VWA8: variants seen among roughly 807,000 people sequenced by gnomAD.
VWA8 encodes the protein von Willebrand factor A domain containing 8, also known as von Willebrand factor A domain-containing protein 8.
Under a neutral mutation model 241.5 loss-of-function variants are expected in VWA8, and 221 were observed. The ratio of observed to expected loss-of-function variants is 0.91; its 90% CI spans 0.82 to 1.02. VWA8 has a LOEUF of 1.02. Among genes scored for constraint, VWA8 ranks in the 50% least tolerant of loss-of-function variants. VWA8 has a pLI of 0.00. For missense variants in VWA8, 2,322 were observed against 2,328.7 expected (o/e 1.00, Z 0.06); for synonymous variants, 852 against 827.1 (o/e 1.03, Z -0.52).
chr13:41,695,041 C>A (rs1484174703), intron 29 of VWA8, among the ~76,000 whole-genome samples: 1 of 152,094 alleles, frequency 6.6e-6, no homozygotes, highest in Non-Finnish European at 1.5e-5. Flanking sequence ...ATGATAGATT[C>A]TGTCTGGGTT....
chr13:41,807,262 A>G (rs1414101139), intron 17 of VWA8, among the ~76,000 whole-genome samples: 3 of 152,214 alleles, frequency 2.0e-5, no homozygotes, highest in African/African-American at 7.2e-5. Context: ...CCAAACATTT[A>G]TAGAAGAACT....
chr13:41,904,269 A>G (rs1875595496), intron 4 of VWA8, among the ~76,000 whole-genome samples: 1 of 152,204 alleles, frequency 6.6e-6, no homozygotes, highest in Admixed American at 6.5e-5. Context: ...CCTTAAAATA[A>G]TAAACACATT....
Position 41,689,407 on chromosome 13 carries a change from G to A in VWA8, c.4078C>T (p.Leu1360Phe). ...EQKIASPNRI[L>F]SDEKNYATIV... is the part of the protein sequence containing the mutation. ...GTAGCATAATTTTTCTCATCTGAGA[G>A]AATTCTGTTGGGAGAGGCAATCTTT... Residue 1360 changes from leucine (L) to phenylalanine (F), a missense_variant, in exon 34 of 45, where the codon CTC becomes TTC. Transcript: ENST00000379310. 1 of 1,612,102 alleles carries A rather than the reference G, an allele frequency of 6.2e-7. No individual in the cohort carries two copies. Among genetic ancestry groups the A allele is most frequent in the African/African-American group, 1.3e-5 (1 of 74,946 alleles).
At chr13:41,677,261 A>G (rs2045066723) in intron 35 of VWA8, among the ~76,000 whole-genome samples, 1 of 152,146 alleles carries the variant, frequency 6.6e-6, no homozygotes, top group Non-Finnish European at 1.5e-5. Context: ...TACTCATGTG[A>G]TGTCATTAGT....
intron 20 of VWA8, among the ~76,000 whole-genome samples, chr13:41,768,217 T>G (rs1056108294): frequency 1.3e-5 from 2 of 152,222 alleles, no homozygotes; most frequent in Admixed American, 1.3e-4. Context: ...GCAAGACAAT[T>G]TCTGGACAAA....
intron 13 of VWA8, among the ~76,000 whole-genome samples, chr13:41,831,575 T>C (rs1183784920): frequency 6.6e-6 from 1 of 151,906 alleles, no homozygotes; most frequent in Admixed American, 6.6e-5. Context: ...CCTAGACCAA[T>C]TATATCAGAA....
chr13:41,722,396 T>C lies in VWA8; in HGVS notation c.2759-821A>G, dbSNP rs118015592. 1.2e-3 allele frequency among the ~76,000 whole-genome samples: 184 copies of C among 152,306 alleles called. No homozygotes were observed. The Middle Eastern group carries it at 0.017, about 14-fold the overall frequency. Reference sequence around the variant, plus strand: ...AAATAGACTTACATTATTTAATATGTTCATTTTAGAAAATGAGGATATCTA... The same window carrying C: ...AAATAGACTTACATTATTTAATATGCTCATTTTAGAAAATGAGGATATCTA... On this transcript the variant is annotated intron_variant, in intron 24 of 44. Transcript: ENST00000379310.
intron 23 of VWA8, among the ~76,000 whole-genome samples, chr13:41,729,013 T>C (rs978964326): frequency 6.6e-6 from 1 of 152,056 alleles, no homozygotes; most frequent in Non-Finnish European, 1.5e-5. Flanking sequence ...ACTGACAAGA[T>C]TAATCTATCT....
intron 4 of VWA8, among the ~76,000 whole-genome samples, chr13:41,897,859 T>G (rs1593853966): frequency 6.6e-6 from 1 of 152,178 alleles, no homozygotes; most frequent in Non-Finnish European, 1.5e-5. Context: ...TTGCCACTGC[T>G]GGCTCCGGCA....
chr13:41,784,455 G>A (rs535645499), intron 18 of VWA8, among the ~76,000 whole-genome samples: 2 of 151,894 alleles, frequency 1.3e-5, no homozygotes, highest in Admixed American at 6.6e-5. Context: ...TTGAGCCTAG[G>A]GGTTCAAGAC....
chr13:41,691,859 T>C lies in VWA8; in HGVS notation c.3740+15A>G, dbSNP rs2045180262. 3.8e-6 allele frequency: 6 copies of C among 1,589,258 alleles called. No homozygotes were observed. The highest frequency in any genetic ancestry group is 1.7e-4 in the Middle Eastern group (1 of 6,014). ...TAAGAACTCCAGTTTAAATCCTCTA[T>C]AATAAAGAGCTCACCCTTTTTCTTT... is the stretch of plus-strand genomic sequence containing the variant. On this transcript the variant is annotated intron_variant, in intron 31 of 44. Coordinates refer to ENST00000379310, the MANE Select transcript of VWA8 (RefSeq NM_015058.2).
At chr13:41,910,695 G>T (rs1274423671) in intron 3 of VWA8, among the ~76,000 whole-genome samples, 2 of 152,098 alleles carry the variant, frequency 1.3e-5, no homozygotes, top group Non-Finnish European at 2.9e-5. Context: ...TTAATAAAGT[G>T]AGGATGGCTC....
chr13:41,937,341 G>A (rs1877396917), intron 2 of VWA8, among the ~76,000 whole-genome samples: 2 of 152,164 alleles, frequency 1.3e-5, no homozygotes, highest in South Asian at 4.1e-4. Flanking sequence ...TGGGAGCTCT[G>A]AGCTTGTTTT....
At chr13:41,782,283 AT>A (rs1479934725) in intron 19 of VWA8, among the ~76,000 whole-genome samples, 6 of 152,196 alleles carry the variant, frequency 3.9e-5, no homozygotes, top group African/African-American at 1.4e-4. Flanking sequence ...TATTTCCTAC[AT>A]TCTTATATCC....
At chr13:41,636,303 C>T (rs2044756054) in intron 37 of VWA8, among the ~76,000 whole-genome samples, 1 of 152,040 alleles carries the variant, frequency 6.6e-6, no homozygotes, top group African/African-American at 2.4e-5. Context: ...CTTTGACAAA[C>T]CTGACAAAAA....
chr13:41,862,962 T>C (rs918964522), intron 12 of VWA8, among the ~76,000 whole-genome samples: 1 of 152,154 alleles, frequency 6.6e-6, no homozygotes, highest in Non-Finnish European at 1.5e-5. Context: ...TCTACACATA[T>C]GTTCATTGCA....
chr13:41,851,979 C>A (rs1188264912), intron 12 of VWA8, among the ~76,000 whole-genome samples: 1 of 152,096 alleles, frequency 6.6e-6, no homozygotes, highest in African/African-American at 2.4e-5. Context: ...TGTGGTAGTT[C>A]TGTTTTTAAT....
chr13:41,798,412 T>C (rs1393605427), intron 17 of VWA8, among the ~76,000 whole-genome samples: 1 of 152,186 alleles, frequency 6.6e-6, no homozygotes, highest in Non-Finnish European at 1.5e-5. Flanking sequence ...TAGCTGAAAA[T>C]GTATTCCGCT....
At chr13:41,823,551 C>G (rs895326146) in intron 14 of VWA8, among the ~76,000 whole-genome samples, 1 of 152,114 alleles carries the variant, frequency 6.6e-6, no homozygotes, top group African/African-American at 2.4e-5. Context: ...TTATACTCCC[C>G]CTTTCCCTAA....
Sources: allele counts gnomAD v4.1 joint callset (sites outside exome capture counted in the v4.1 genomes callset), GRCh38; gene constraint gnomAD v4.1.1; transcripts MANE v1.5; gene names NCBI Gene and HGNC (gene_info 2026-07-23, HGNC 2026-07-21).